RBFOX1: variants seen among roughly 807,000 people sequenced by gnomAD.
The protein encoded by RBFOX1 is RNA binding fox-1 homolog 1, also known as RNA binding protein fox-1 homolog 1.
RBFOX1 carries 8 observed loss-of-function variants against 57.7 expected under a neutral mutation model. The observed-to-expected ratio is 0.14, with a 90% CI of 0.08 to 0.25. The LOEUF (loss-of-function observed/expected upper bound fraction) is 0.25, where lower values mean the gene tolerates loss of function less well. Ranked by LOEUF, RBFOX1 falls within the 10% of genes least tolerant of loss-of-function variation. RBFOX1 has a pLI of 1.00. For synonymous variants in RBFOX1, 326 were observed against 222.4 expected (o/e 1.47, Z -4.15); for missense variants, 611 against 548.5 (o/e 1.11, Z -1.14).
chr16:7,654,921 T>C (rs1394592268), intron 12 of RBFOX1, among the ~76,000 whole-genome samples: 1 of 152,218 alleles, frequency 6.6e-6, no homozygotes, highest in African/African-American at 2.4e-5. Context: ...AAGTCAGTCA[T>C]GCTGCAGCTG....
chr16:6,650,100 GGATCA>G (rs2154082538), intron 2 of RBFOX1, among the ~76,000 whole-genome samples: 1 of 152,208 alleles, frequency 6.6e-6, no homozygotes, highest in African/African-American at 2.4e-5. Context: ...TCGGATTGCT[GGATCA>G]TACAGTAGAT....
chr16:5,509,098 G>T (rs769419002), intron 2 of RBFOX1, among the ~76,000 whole-genome samples: 2 of 152,168 alleles, frequency 1.3e-5, no homozygotes, highest in Non-Finnish European at 2.9e-5. Context: ...TGAAAACTGG[G>T]TCTCAGAGGC....
At chr16:5,385,334 G>A (rs529974623) in intron 1 of RBFOX1, among the ~76,000 whole-genome samples, 130 of 152,276 alleles carry the variant, frequency 8.5e-4, no homozygotes, top group Non-Finnish European at 1.3e-3. Context: ...CTATTTACCT[G>A]TGTACTTGTA....
At chr16:7,207,955 T>C (rs1161822139) in intron 4 of RBFOX1, among the ~76,000 whole-genome samples, 2 of 152,210 alleles carry the variant, frequency 1.3e-5, no homozygotes, top group Non-Finnish European at 2.9e-5. Context: ...GGGAAGCTTC[T>C]CAGTTACCTT....
chr16:5,523,767 C>T (rs2151017811), intron 2 of RBFOX1, among the ~76,000 whole-genome samples: 1 of 152,274 alleles, frequency 6.6e-6, no homozygotes. Flanking sequence ...TACTCTTTTT[C>T]ATAACATTTC....
intron 2 of RBFOX1, among the ~76,000 whole-genome samples, chr16:6,527,201 A>G (rs1289098412): frequency 2.0e-5 from 3 of 152,318 alleles, no homozygotes; most frequent in South Asian, 2.1e-4. Flanking sequence ...CTATCTACCT[A>G]TGATCTCTGA....
chr16:6,262,981 C>T (rs1342174090), intron 1 of RBFOX1, among the ~76,000 whole-genome samples: 1 of 152,162 alleles, frequency 6.6e-6, no homozygotes, highest in Admixed American at 6.5e-5. Context: ...CAGGGAAGGC[C>T]ACTTTGAGAT....
chr16:6,247,504 A>G (rs10500336), intron 1 of RBFOX1, among the ~76,000 whole-genome samples: 21,987 of 152,264 alleles, frequency 0.14, 1,685 homozygotes, highest in Middle Eastern at 0.29. Flanking sequence ...TTCTGCAGTC[A>G]TTAAGATAGT....
At chr16:5,605,357 A>C (rs1486425) in intron 3 of RBFOX1, among the ~76,000 whole-genome samples, 29,948 of 152,086 alleles carry the variant, frequency 0.2, 3,339 homozygotes, top group South Asian at 0.25. Context: ...AGTAGGTAAC[A>C]CCTCATTTAT....
intron 3 of RBFOX1, among the ~76,000 whole-genome samples, chr16:6,880,339 C>A (rs1216143083): frequency 6.6e-6 from 1 of 152,280 alleles, no homozygotes; most frequent in African/African-American, 2.4e-5. Flanking sequence ...TTGTTCCTGA[C>A]CACTGCCTTG....
chr16:6,903,545 C>G (rs77452656), intron 3 of RBFOX1, among the ~76,000 whole-genome samples: 11 of 152,094 alleles, frequency 7.2e-5, no homozygotes, highest in African/African-American at 2.7e-4. Context: ...GATGTGAGCT[C>G]GGAGTGAGTT....
chr16:7,596,281 A>G (rs2094698135), intron 8 of RBFOX1, among the ~76,000 whole-genome samples: 1 of 151,810 alleles, frequency 6.6e-6, no homozygotes. Context: ...CACTGAAAGC[A>G]TAAATACCAA....
chr16:6,254,454 G>A (rs879062077), intron 1 of RBFOX1, among the ~76,000 whole-genome samples: 2 of 152,234 alleles, frequency 1.3e-5, no homozygotes, highest in Admixed American at 1.3e-4. Flanking sequence ...ATTTTCAAAG[G>A]CAGAGTAGCA....
At chr16:6,421,013 G>T (rs572977445) in intron 2 of RBFOX1, among the ~76,000 whole-genome samples, 1 of 152,194 alleles carries the variant, frequency 6.6e-6, no homozygotes. Context: ...TTTATATTGT[G>T]ATGGCACTAT....
intron 1 of RBFOX1, among the ~76,000 whole-genome samples, chr16:6,118,943 G>A (rs796195350): frequency 6.6e-6 from 1 of 151,700 alleles, no homozygotes; most frequent in African/African-American, 2.4e-5. Flanking sequence ...TGTGAATATG[G>A]GGAGGGCACT....
At chr16:6,048,388 A>G (rs2095517050) in intron 1 of RBFOX1, among the ~76,000 whole-genome samples, 1 of 152,216 alleles carries the variant, frequency 6.6e-6, no homozygotes, top group East Asian at 1.9e-4. Context: ...TCTCTCATAA[A>G]GACTGGATAC....
At chr16:7,700,809 T>A (rs560933553) in intron 14 of RBFOX1, among the ~76,000 whole-genome samples, 14 of 151,478 alleles carry the variant, frequency 9.2e-5, no homozygotes, top group Admixed American at 4.1e-4. Context: ...GCTGTTGGGT[T>A]TCAGAATAGG....
At chr16:7,541,138 C>G (rs961209588) in intron 5 of RBFOX1, among the ~76,000 whole-genome samples, 2 of 152,188 alleles carry the variant, frequency 1.3e-5, no homozygotes, top group Admixed American at 6.5e-5. Flanking sequence ...CTGTATGTAC[C>G]TTGAGCAGCA....
At chr16:5,769,622 T>C (rs2151671533) in intron 3 of RBFOX1, among the ~76,000 whole-genome samples, 1 of 152,086 alleles carries the variant, frequency 6.6e-6, no homozygotes, top group Admixed American at 6.6e-5. Context: ...CATTGGAATC[T>C]AGTCTGGGCA....
Sources: gnomAD v4.1 joint callset for allele counts (sites outside exome capture counted in the v4.1 genomes callset) on GRCh38, gnomAD v4.1.1 for gene constraint, MANE v1.5 for transcripts, NCBI Gene and HGNC (gene_info 2026-07-23, HGNC 2026-07-21) for gene names.